The following PLCB1 variants were observed in gnomAD, a reference collection of about 807,000 sequenced individuals.
The protein encoded by PLCB1 is phospholipase C beta 1, also known as 1-phosphatidylinositol 4,5-bisphosphate phosphodiesterase beta-1.
PLCB1 carries 46 observed loss-of-function variants against 161.8 expected under a neutral mutation model. That is an observed-to-expected ratio of 0.28 (90% CI 0.22 to 0.36). The LOEUF (loss-of-function observed/expected upper bound fraction) is 0.36. Ranked by LOEUF, PLCB1 falls within the 10% of genes least tolerant of loss-of-function variation. PLCB1 has a pLI of 1.00. For synonymous variants in PLCB1, 517 were observed against 503.7 expected, an observed-to-expected ratio of 1.03 and a Z score of -0.35; for missense variants, 1,016 against 1,472.5, an observed-to-expected ratio of 0.69 and a Z score of 5.07.
intron 2 of PLCB1, among the ~76,000 whole-genome samples, chr20:8,321,894 G>A (rs1346278152): frequency 1.3e-5 from 2 of 152,130 alleles, no homozygotes; most frequent in Non-Finnish European, 2.9e-5. Context: ...ATAAGTACCT[G>A]TGGCTTTCTA....
chr20:8,497,624 C>A (rs1277081753), intron 3 of PLCB1, among the ~76,000 whole-genome samples: 1 of 152,090 alleles, frequency 6.6e-6, no homozygotes, highest in Admixed American at 6.5e-5. Flanking sequence ...GTTGTGGCTG[C>A]TGGATTATAG....
Position 8,790,210 on chromosome 20 carries a change from C to G in PLCB1, c.3372C>G (p.Leu1124=). 1 of 1,611,816 alleles carries G rather than the reference C, an allele frequency of 6.2e-7. No individual in the cohort carries two copies. The highest frequency in any genetic ancestry group is 1.3e-5 in the African/African-American group (1 of 74,898). ...EEAQSKRQEK[L]VEKHKEIRQQ... is the part of the protein sequence containing the mutation. ...CGCAAAGTAAACGGCAAGAAAAACT[C>G]GTAGAGAAACACAAGGAAATACGTC... Residue 1124 remains leucine, a synonymous_variant, in exon 31 of 32, where the codon CTC becomes CTG. Transcript: ENST00000338037.
chr20:8,209,932 G>A (rs1486800517), intron 2 of PLCB1, among the ~76,000 whole-genome samples: 1 of 151,700 alleles, frequency 6.6e-6, no homozygotes, highest in Non-Finnish European at 1.5e-5. Flanking sequence ...TGAACTGCTG[G>A]GCACAAGTGA....
At chr20:8,442,033 T>C (rs908158377) in intron 3 of PLCB1, among the ~76,000 whole-genome samples, 2 of 152,196 alleles carry the variant, frequency 1.3e-5, no homozygotes, top group Non-Finnish European at 2.9e-5. Context: ...TGATTGAATC[T>C]AGAATATAGA....
intron 3 of PLCB1, among the ~76,000 whole-genome samples, chr20:8,435,606 A>G (rs764877924): frequency 3.3e-5 from 5 of 152,168 alleles, no homozygotes; most frequent in Non-Finnish European, 7.4e-5. Context: ...CCAAGGCCCC[A>G]ACAAAAAGCC....
chr20:8,643,138 G>A (rs2123270161), intron 4 of PLCB1, among the ~76,000 whole-genome samples: 1 of 152,192 alleles, frequency 6.6e-6, no homozygotes, highest in East Asian at 1.9e-4. Flanking sequence ...TAGAGTTCAA[G>A]GTCTCAGTAT....
chr20:8,850,992 A>G (rs535449837), intron 31 of PLCB1, among the ~76,000 whole-genome samples: 27 of 152,336 alleles, frequency 1.8e-4, no homozygotes, highest in Non-Finnish European at 2.8e-4. Flanking sequence ...TTGTACTCAC[A>G]CATTGTTATA....
chr20:8,774,663 C>T lies in PLCB1; in HGVS notation c.3055C>T (p.Leu1019Phe). The stretch of plus-strand genomic sequence containing the variant: ...CAAACAACAGCAGCAGCTGCTTAAT[C>T]TTCGGCAAGAACAGTATTATAGTGA... ...KDKQQQQLLN[L>F]RQEQYYSEKY... The change falls in exon 27 of 32, where the codon CTT (leucine) becomes TTT (phenylalanine). Residue 1019 changes from leucine to phenylalanine, a missense_variant. Transcript: ENST00000338037. The T allele has an allele frequency of 6.2e-7, 1 of 1,613,970 alleles. No individual in the cohort carries two copies. Among genetic ancestry groups the T allele is most frequent in the East Asian group, 2.2e-5 (1 of 44,882 alleles).
chr20:8,202,946 C>T lies in PLCB1; in HGVS notation c.177+52575C>T, dbSNP rs574045363. Among the ~76,000 whole-genome samples the T allele has an allele frequency of 4.3e-4, 65 of 152,056 alleles. No individual in the cohort carries two copies. The South Asian group carries it at 0.013, about 30-fold the overall frequency. ...GAGTTGTATTTCATATGAGGGGGAG[C>T]GAGTCAAAACACTGAATCACCAGGG... On this transcript the variant is annotated intron_variant, in intron 2 of 31. Coordinates refer to ENST00000338037, the MANE Select transcript of PLCB1 (RefSeq NM_015192.4).
At chr20:8,153,690 C>T (rs1475655819) in intron 2 of PLCB1, among the ~76,000 whole-genome samples, 1 of 152,174 alleles carries the variant, frequency 6.6e-6, no homozygotes, top group East Asian at 1.9e-4. Context: ...TGCCCTGCTT[C>T]TGTGCCAAGG....
At chr20:8,875,650 AATATCTGTC>A in intron 31 of PLCB1, among the ~76,000 whole-genome samples, 2 of 151,590 alleles carry the variant, frequency 1.3e-5, no homozygotes, top group Middle Eastern at 3.4e-3. Context: ...AAACCTTGCA[AATATCTGTC>A]TGCACATTAT....
At chr20:8,264,778 C>T (rs371522142) in intron 2 of PLCB1, among the ~76,000 whole-genome samples, 1 of 151,950 alleles carries the variant, frequency 6.6e-6, no homozygotes, top group African/African-American at 2.4e-5. Context: ...GATTTTGATT[C>T]TTTATTAATG....
At chr20:8,526,728 A>G (rs1174367380) in intron 3 of PLCB1, among the ~76,000 whole-genome samples, 1 of 152,064 alleles carries the variant, frequency 6.6e-6, no homozygotes, top group Non-Finnish European at 1.5e-5. Context: ...TGGGGTTTTA[A>G]TTGAATTTTA....
chr20:8,286,154 G>A (rs751948073), intron 2 of PLCB1, among the ~76,000 whole-genome samples: 13 of 152,110 alleles, frequency 8.5e-5, no homozygotes, highest in South Asian at 2.1e-4. Context: ...GCTAAACCCC[G>A]TCTCTACAAA....
At chr20:8,368,451 C>T (rs1432042731) in intron 2 of PLCB1, among the ~76,000 whole-genome samples, 6 of 140,538 alleles carry the variant, frequency 4.3e-5, no homozygotes, top group Non-Finnish European at 6.0e-5. Context: ...CACTTGAACC[C>T]GGGAGGTAGA....
rs587780417 is a variant in PLCB1, at chr20:8,790,186, G to A, written c.3348G>A (p.Ala1116=). The A allele has an allele frequency of 4.0e-5, 65 of 1,609,348 alleles. No individual in the cohort carries two copies. Among genetic ancestry groups the A allele is most frequent in the Middle Eastern group, 1.6e-4 (1 of 6,078 alleles). ...VVQYIKRLEE[A]QSKRQEKLVE... ...TAACTTTCTTATAGCTAGAAGAAGC[G>A]CAAAGTAAACGGCAAGAAAAACTCG... The change falls in exon 31 of 32, where the codon GCG becomes GCA. Residue 1116 remains alanine, a synonymous_variant. Coordinates refer to ENST00000338037, the MANE Select transcript of PLCB1 (RefSeq NM_015192.4).
At chr20:8,290,902 A>C (rs966641974) in intron 2 of PLCB1, among the ~76,000 whole-genome samples, 1 of 152,060 alleles carries the variant, frequency 6.6e-6, no homozygotes, top group African/African-American at 2.4e-5. Flanking sequence ...TATAACTATA[A>C]ATTATATAAA....
At chr20:8,602,326 G>A (rs1987614011) in intron 3 of PLCB1, among the ~76,000 whole-genome samples, 1 of 151,898 alleles carries the variant, frequency 6.6e-6, no homozygotes, top group African/African-American at 2.4e-5. Context: ...ATACAAAATG[G>A]TATTTAAAGA....
chr20:8,754,581 G>A lies in PLCB1; in HGVS notation c.2524-2465G>A, dbSNP rs182717518. Among the ~76,000 whole-genome samples the A allele has an allele frequency of 2.7e-3, 415 of 152,176 alleles. 1 individual carries two copies. The highest frequency in any genetic ancestry group is 4.8e-3 in the Non-Finnish European group (324 of 68,020). On this transcript the variant is annotated intron_variant, in intron 23 of 31. Coordinates refer to ENST00000338037, the MANE Select transcript of PLCB1 (RefSeq NM_015192.4). ...TTTAGAAACCAACTTGGATATAATG[G>A]GGAAGGTCAGATCCCCACGGAATAG...
Sources: gnomAD v4.1 joint callset for allele counts (sites outside exome capture counted in the v4.1 genomes callset) on GRCh38, gnomAD v4.1.1 for gene constraint, MANE v1.5 for transcripts, NCBI Gene and HGNC (gene_info 2026-07-23, HGNC 2026-07-21) for gene names.